Variants in DLG2 observed in about 807,000 individuals in gnomAD.
The protein encoded by DLG2 is disks large homolog 2.
In DLG2, 45 loss-of-function variants were observed where a neutral mutation model predicts 132.5. That is an observed-to-expected ratio of 0.34 (90% CI 0.27 to 0.44). The LOEUF is 0.44. DLG2 is among the 20% of genes least tolerant of loss of function. DLG2 has a pLI of 1.00. For missense variants in DLG2, 1,045 were observed against 1,196.9 expected, an observed-to-expected ratio of 0.87 and a Z score of 1.87; for synonymous variants, 424 against 419.6, an observed-to-expected ratio of 1.01 and a Z score of -0.13.
chr11:84,731,041 T>C (rs2063092008), intron 6 of DLG2, among the ~76,000 whole-genome samples: 1 of 152,072 alleles, frequency 6.6e-6, no homozygotes, highest in East Asian at 1.9e-4. Flanking sequence ...TTGTTTAAAA[T>C]AAGATTGTTA....
At chr11:85,255,150 G>T (rs550215698) in intron 4 of DLG2, among the ~76,000 whole-genome samples, 5 of 152,066 alleles carry the variant, frequency 3.3e-5, no homozygotes, top group Non-Finnish European at 7.4e-5. Context: ...AACATCTCAA[G>T]CACATTTCAT....
At chr11:85,541,059 A>C (rs573204355) in intron 3 of DLG2, among the ~76,000 whole-genome samples, 3 of 152,242 alleles carry the variant, frequency 2.0e-5, no homozygotes, top group African/African-American at 7.2e-5. Flanking sequence ...ATCTGACTCA[A>C]ATAAATTCTT....
chr11:84,435,125 G>A (rs192084798), intron 7 of DLG2, among the ~76,000 whole-genome samples: 12 of 151,808 alleles, frequency 7.9e-5, no homozygotes, highest in Admixed American at 1.3e-4. Context: ...GCAACATATC[G>A]TTAGTAGCAC....
chr11:84,353,262 C>A (rs2098591798), intron 7 of DLG2, among the ~76,000 whole-genome samples: 1 of 152,160 alleles, frequency 6.6e-6, no homozygotes, highest in Non-Finnish European at 1.5e-5. Flanking sequence ...ATTTGGTTAG[C>A]AAGACAATTT....
chr11:84,208,952 T>C (rs1434061229), intron 8 of DLG2, among the ~76,000 whole-genome samples: 1 of 152,190 alleles, frequency 6.6e-6, no homozygotes, highest in Non-Finnish European at 1.5e-5. Flanking sequence ...GAGACATCAA[T>C]ATGAACTCAT....
chr11:83,808,867 C>T (rs1032042629), intron 17 of DLG2, among the ~76,000 whole-genome samples: 1 of 152,074 alleles, frequency 6.6e-6, no homozygotes, highest in Non-Finnish European at 1.5e-5. Flanking sequence ...CCATTCTCCC[C>T]TGCAGGGTCT....
chr11:84,854,690 T>A (rs948058002), intron 6 of DLG2, among the ~76,000 whole-genome samples: 12 of 152,022 alleles, frequency 7.9e-5, no homozygotes, highest in African/African-American at 2.7e-4. Context: ...CATTCCTGTT[T>A]CCATGTCTGT....
intron 18 of DLG2, among the ~76,000 whole-genome samples, chr11:83,668,180 C>T (rs573023710): frequency 1.3e-5 from 2 of 151,326 alleles, no homozygotes; most frequent in African/African-American, 4.9e-5. Context: ...GCATCACAGA[C>T]GTGGTGGATA....
At chr11:83,730,701 G>A (rs2090857027) in intron 18 of DLG2, among the ~76,000 whole-genome samples, 1 of 152,168 alleles carries the variant, frequency 6.6e-6, no homozygotes, top group Non-Finnish European at 1.5e-5. Context: ...ACTGCTCGCT[G>A]TGCCTGAAGA....
intron 6 of DLG2, among the ~76,000 whole-genome samples, chr11:85,098,296 G>A (rs759067014): frequency 2.0e-5 from 3 of 152,180 alleles, no homozygotes; most frequent in African/African-American, 7.2e-5. Flanking sequence ...ACAGTTTGGT[G>A]ACAGAGAGGA....
At chr11:84,289,799 G>C (rs1052097081) in intron 7 of DLG2, among the ~76,000 whole-genome samples, 5 of 152,160 alleles carry the variant, frequency 3.3e-5, no homozygotes, top group Non-Finnish European at 7.4e-5. Flanking sequence ...TGAGCAGATT[G>C]CTTTGACTAT....
chr11:85,407,048 G>C (rs2088818742), intron 3 of DLG2, among the ~76,000 whole-genome samples: 1 of 151,890 alleles, frequency 6.6e-6, no homozygotes, highest in African/African-American at 2.4e-5. Context: ...CCTGAGGCAA[G>C]AGTATTCTTG....
At chr11:84,979,013 A>C (rs1437680312) in intron 6 of DLG2, among the ~76,000 whole-genome samples, 1 of 152,192 alleles carries the variant, frequency 6.6e-6, no homozygotes, top group Admixed American at 6.5e-5. Flanking sequence ...ATGAACAGAC[A>C]CTTCTCAAAA....
At chr11:85,026,112 T>C (rs2060491052) in intron 6 of DLG2, among the ~76,000 whole-genome samples, 1 of 151,866 alleles carries the variant, frequency 6.6e-6, no homozygotes, top group Non-Finnish European at 1.5e-5. Context: ...AGAAATAAAA[T>C]TTACATATTT....
intron 7 of DLG2, among the ~76,000 whole-genome samples, chr11:84,467,904 GTAGA>G (rs1309565569): frequency 3.3e-5 from 5 of 151,446 alleles, no homozygotes; most frequent in African/African-American, 9.7e-5. Flanking sequence ...AATTCAATAG[GTAGA>G]TAGATAACAC....
intron 7 of DLG2, among the ~76,000 whole-genome samples, chr11:84,430,703 A>G (rs994185764): frequency 1.3e-5 from 2 of 152,086 alleles, no homozygotes; most frequent in Non-Finnish European, 2.9e-5. Context: ...CCCTGACCTT[A>G]TAACAGTTGT....
At chr11:83,844,489 A>G (rs2058233521) in intron 16 of DLG2, among the ~76,000 whole-genome samples, 1 of 138,200 alleles carries the variant, frequency 7.2e-6, no homozygotes, top group South Asian at 2.5e-4. Flanking sequence ...CGGAAGTTGC[A>G]GTAAGCCAAG....
chr11:85,460,900 G>A (rs2092587602), intron 3 of DLG2, among the ~76,000 whole-genome samples: 1 of 152,170 alleles, frequency 6.6e-6, no homozygotes, highest in Non-Finnish European at 1.5e-5. Flanking sequence ...GGTTTTATTT[G>A]GGATGAGGGT....
In DLG2 at chr11:85,165,132, A is replaced by G. The variant is rs575626538; in HGVS notation, c.187-10481T>C. Among the ~76,000 whole-genome samples the G allele has an allele frequency of 2.6e-5, 4 of 152,328 alleles. 1 individual carries two copies. In the South Asian group the frequency reaches 8.3e-4, roughly 32 times the overall value. ...GTATAAGACACATTTACGAAGAGATAGATGATTCTCGGCACAATGGAAAAT... is the reference window on the plus strand; with the variant it reads ...GTATAAGACACATTTACGAAGAGATGGATGATTCTCGGCACAATGGAAAAT... On this transcript the variant is annotated intron_variant, in intron 4 of 27. Transcript: ENST00000376104.
Sources: gnomAD v4.1 joint callset for allele counts (sites outside exome capture counted in the v4.1 genomes callset) on GRCh38, gnomAD v4.1.1 for gene constraint, MANE v1.5 for transcripts, NCBI Gene and HGNC (gene_info 2026-07-23, HGNC 2026-07-21) for gene names.